The following MACF1 variants were observed in gnomAD, a reference collection of about 807,000 sequenced individuals.
MACF1 encodes the protein microtubule actin crosslinking factor 1, also known as microtubule-actin cross-linking factor 1.
A neutral mutation model predicts 854.8 loss-of-function variants in MACF1; 193 were observed. The ratio of observed to expected loss-of-function variants is 0.23; its 90% confidence interval spans 0.20 to 0.25. MACF1 has a LOEUF of 0.25. MACF1 is among the 10% of genes least tolerant of loss of function. The probability of loss-of-function intolerance (pLI) is 1.00; values close to 1 mark genes in which losing one functional copy is unlikely to be tolerated. For synonymous variants in MACF1, 3,185 were observed against 3,226.7 expected (o/e 0.99, Z 0.44); for missense variants, 7,722 against 8,929.1 (o/e 0.86, Z 5.45).
intron 30 of MACF1, 53 bp from the exon 31 acceptor site, chr1:39,319,611 C>A: frequency 8.2e-7 from 1 of 1,218,434 alleles, no homozygotes; most frequent in Non-Finnish European, 1.2e-6. Flanking sequence ...AAATGTTCAG[C>A]TCTTTCAATG....
Position 39,444,845 on chromosome 1 carries a change from A to G in MACF1, c.19605+10A>G. 1.3e-5 allele frequency: 21 copies of G among 1,571,130 alleles called. No homozygotes were observed. Among genetic ancestry groups the G allele is most frequent in the Non-Finnish European group, 1.6e-5 (19 of 1,152,202 alleles). On this transcript the variant is annotated intron_variant, in intron 80 of 100. Coordinates refer to ENST00000564288, the MANE Select transcript of MACF1 (RefSeq NM_001394062.1). ...GATGGAAGAAAGAAAGGTACAGTGTATGATCCCCATGTTTGAGTAATTTGC... is the reference window on the plus strand; with the variant it reads ...GATGGAAGAAAGAAAGGTACAGTGTGTGATCCCCATGTTTGAGTAATTTGC...
intron 1 of MACF1, among the ~76,000 whole-genome samples, chr1:39,220,945 G>T (rs1332039036): frequency 6.6e-6 from 1 of 152,216 alleles, no homozygotes; most frequent in African/African-American, 2.4e-5. Context: ...AAAGGTGGCT[G>T]ACATGTCCGG....
At chr1:39,235,698 G>T (rs1644852974) in intron 2 of MACF1, among the ~76,000 whole-genome samples, 1 of 152,164 alleles carries the variant, frequency 6.6e-6, no homozygotes, top group South Asian at 2.1e-4. Flanking sequence ...AATAACAATG[G>T]TAGTAATAGT....
intron 2 of MACF1, among the ~76,000 whole-genome samples, chr1:39,153,384 C>G (rs1295862994): frequency 6.6e-6 from 1 of 152,150 alleles, no homozygotes; most frequent in Non-Finnish European, 1.5e-5. Flanking sequence ...CTCAGTTGCT[C>G]AGTGCTTCTT....
At chr1:39,270,767 G>A (rs1030362598) in intron 6 of MACF1, among the ~76,000 whole-genome samples, 2 of 151,566 alleles carry the variant, frequency 1.3e-5, no homozygotes, top group Middle Eastern at 3.2e-3. Context: ...TACTGTACAG[G>A]GGCCCTGATG....
chr1:39,341,399 A>T (rs754649356), intron 40 of MACF1, among the ~76,000 whole-genome samples: 1 of 151,340 alleles, frequency 6.6e-6, no homozygotes, highest in Non-Finnish European at 1.5e-5. Context: ...TTAGGTTTAT[A>T]ATTATCATAT....
At chr1:39,331,044 C>T (rs1162519163) in intron 36 of MACF1, 159 bp from the exon 37 acceptor site, 6 of 1,058,876 alleles carry the variant, frequency 5.7e-6, no homozygotes, top group East Asian at 5.8e-5. Flanking sequence ...CATGATTTGC[C>T]TGCCTTGGGC....
chr1:39,363,356 C>T lies in MACF1; in HGVS notation c.12771+1679C>T, dbSNP rs532365161. On this transcript the variant is annotated intron_variant, in intron 49 of 100. Transcript: ENST00000564288. ...TCTTCCATCCCATTTTCACCCATCC[C>T]CATAGTAACACATTTCAGGTTTATT... Among the ~76,000 whole-genome samples, 19 of 152,226 alleles carry T rather than the reference C, an allele frequency of 1.2e-4. No homozygotes were observed. The South Asian group carries it at 2.1e-3, about 17-fold the overall frequency.
chr1:39,390,142 C>G (rs1641974554), intron 58 of MACF1, among the ~76,000 whole-genome samples: 2 of 152,240 alleles, frequency 1.3e-5, no homozygotes, highest in Admixed American at 1.3e-4. Context: ...AAGTCTCTCA[C>G]TCTGCCACTG....
chr1:39,341,794 T>C (rs1040264166), intron 40 of MACF1, among the ~76,000 whole-genome samples: 4 of 151,688 alleles, frequency 2.6e-5, no homozygotes, highest in African/African-American at 9.7e-5. Flanking sequence ...TGACCTGTTA[T>C]TATCAATCTC....
chr1:39,149,529 AAAAAAT>A (rs896593522), intron 2 of MACF1, among the ~76,000 whole-genome samples: 40 of 152,156 alleles, frequency 2.6e-4, no homozygotes, highest in South Asian at 1.2e-3. Flanking sequence ...CTCCGTCTCA[AAAAAAT>A]AAAAATAAAA....
At chr1:39,232,328 C>A (rs1644787695) in intron 2 of MACF1, among the ~76,000 whole-genome samples, 1 of 152,028 alleles carries the variant, frequency 6.6e-6, no homozygotes, top group South Asian at 2.1e-4. Flanking sequence ...ATTGCCCTAT[C>A]CAGTAGCCTA....
Position 39,451,235 on chromosome 1 carries a change from T to C in MACF1, c.20418+24T>C, listed in dbSNP as rs199884879. 1.6e-4 allele frequency: 256 copies of C among 1,607,706 alleles called. 3 individuals carry two copies. The South Asian group carries it at 2.7e-3, about 17-fold the overall frequency. On this transcript the variant is annotated intron_variant, in intron 85 of 100. Coordinates refer to ENST00000564288, the MANE Select transcript of MACF1 (RefSeq NM_001394062.1). ...AGGTAGGGGTGAGGTCTGGGCTACA[T>C]TGGAGTGCAGTGGGTCTTCTGTATA...
intron 23 of MACF1, among the ~76,000 whole-genome samples, chr1:39,307,022 A>G (rs1646195434): frequency 6.6e-6 from 1 of 151,504 alleles, no homozygotes; most frequent in Admixed American, 6.6e-5. Flanking sequence ...TCACAGGTGC[A>G]TGCCCCCATT....
intron 31 of MACF1, among the ~76,000 whole-genome samples, chr1:39,321,758 C>T (rs541548426): frequency 3.5e-4 from 53 of 152,200 alleles, no homozygotes; most frequent in Non-Finnish European, 6.6e-4. Flanking sequence ...GAATCTCAGA[C>T]CTGCTGAATC....
intron 2 of MACF1, among the ~76,000 whole-genome samples, chr1:39,161,829 T>C (rs1338501552): frequency 6.6e-6 from 1 of 151,674 alleles, no homozygotes; most frequent in Non-Finnish European, 1.5e-5. Flanking sequence ...ATCGTGCCAC[T>C]GCACTCCAGC....
rs558227207 is a variant in MACF1 at position 39,394,567 on chromosome 1, G to A, written c.15816+5909G>A. ...GGACCTGGGAGGCAGAAGTTGCAGT[G>A]AGCCGAGATCGCACCACTGCACTCC... On this transcript the variant is annotated intron_variant, in intron 58 of 100. Transcript: ENST00000564288. 2.6e-5 allele frequency among the ~76,000 whole-genome samples: 4 copies of A among 152,138 alleles called. No homozygotes were observed. In the East Asian group the frequency reaches 7.7e-4, roughly 29 times the overall value.
intron 41 of MACF1, among the ~76,000 whole-genome samples, chr1:39,349,203 T>A (rs1162658389): frequency 6.6e-6 from 1 of 152,190 alleles, no homozygotes. Flanking sequence ...CCAAAGATAA[T>A]AACAGCAGTC....
intron 2 of MACF1, among the ~76,000 whole-genome samples, chr1:39,135,513 C>T (rs1481041033): frequency 6.6e-6 from 1 of 152,100 alleles, no homozygotes; most frequent in Admixed American, 6.6e-5. Context: ...GCTAGGATTA[C>T]AGATGTGAGC....
Sources: gnomAD v4.1 joint callset for allele counts (sites outside exome capture counted in the v4.1 genomes callset) on GRCh38, gnomAD v4.1.1 for gene constraint, MANE v1.5 for transcripts, NCBI Gene and HGNC (gene_info 2026-07-23, HGNC 2026-07-21) for gene names.